Variants in FEM1C observed in about 807,000 individuals in gnomAD.
FEM1C encodes fem-1 homolog C.
In FEM1C, 15 loss-of-function variants were observed where a neutral mutation model predicts 37.6. The observed-to-expected ratio is 0.40, with a 90% CI of 0.27 to 0.61. The LOEUF is 0.61. FEM1C is among the 20% of genes least tolerant of loss of function. The pLI, the probability that FEM1C is intolerant of heterozygous loss-of-function variation, is 0.42. For missense variants in FEM1C, 532 were observed against 749.7 expected (o/e 0.71, Z 3.39); for synonymous variants, 287 against 272.8 (o/e 1.05, Z -0.51).
At chr5:115,527,145 C>T (rs185852030) in intron 2 of FEM1C, among the ~76,000 whole-genome samples, 33 of 152,226 alleles carry the variant, frequency 2.2e-4, no homozygotes, top group Admixed American at 2.1e-3. Flanking sequence ...AATTCAGCTG[C>T]ATGTCCTTAT....
rs189545884 is a variant in FEM1C, at chr5:115,521,900, A to G, written c.*2408T>C. The G allele has an allele frequency of 6.6e-6, 1 of 152,032 alleles. No individual in the cohort carries two copies. The highest frequency in any genetic ancestry group is 1.9e-4 in the East Asian group (1 of 5,184). 9.4% of individuals were successfully genotyped at this position (152,032 alleles called of 1,614,324 possible). A position where few individuals can be genotyped will look rare whatever the true frequency, so the allele number is the denominator to read the frequency against. ...GAGCTATTAAATTAACTGGTTTTTCAAAACCTCCCAATGGCATTTGTGGAG... is the reference window on the plus strand; with the variant it reads ...GAGCTATTAAATTAACTGGTTTTTCGAAACCTCCCAATGGCATTTGTGGAG... On this transcript the variant is annotated 3_prime_UTR_variant, in exon 3 of 3. Transcript: ENST00000274457.
intron 2 of FEM1C, among the ~76,000 whole-genome samples, chr5:115,532,764 G>T (rs1443341856): frequency 6.6e-6 from 1 of 152,008 alleles, no homozygotes; most frequent in South Asian, 2.1e-4. Context: ...TATGGTGAAA[G>T]TTCAAGCAAG....
At position 115,525,152 on chromosome 5, in the gene FEM1C, G is replaced by C; in HGVS notation, c.1010C>G (p.Thr337Ser). The change falls in exon 3 of 3, where the codon ACC becomes AGC. Residue 337 changes from threonine to serine, a missense_variant. Thr to Ser is a moderately conservative substitution (Grantham distance 58). Coordinates refer to ENST00000274457, the MANE Select transcript of FEM1C (RefSeq NM_020177.3). ...ERILGPSHPDTSYYIRYRGAV... is the reference protein window; with the variant it reads ...ERILGPSHPDSSYYIRYRGAV... ...GCCTCTATATCTAATATAGTAAGAG[G>C]TATCAGGATGAGAAGGACCAAGAAT... 6.2e-7 allele frequency: 1 copy of C among 1,613,676 alleles called. No individual in the cohort carries two copies. Among genetic ancestry groups the C allele is most frequent in the Non-Finnish European group, 8.5e-7 (1 of 1,179,836 alleles).
In FEM1C at chr5:115,521,501, T is replaced by G. The variant is rs1267399848; in HGVS notation, c.*2807A>C. The G allele has an allele frequency of 6.6e-6, 1 of 151,868 alleles. No homozygotes were observed. The highest frequency in any genetic ancestry group is 1.5e-5 in the Non-Finnish European group (1 of 67,822). 9.4% of individuals were successfully genotyped at this position (151,868 alleles called of 1,614,324 possible). On this transcript the variant is annotated 3_prime_UTR_variant, in exon 3 of 3. Coordinates refer to ENST00000274457, the MANE Select transcript of FEM1C (RefSeq NM_020177.3). ...AATAAGAAAAATGACTATTTTTAAG[T>G]CTATAATCCATTTGTCTTTATAAAG...
intron 1 of FEM1C, 41 bp from the exon 2 acceptor site, chr5:115,543,724 T>C (rs1754292305): frequency 7.5e-6 from 10 of 1,335,414 alleles, no homozygotes; most frequent in Non-Finnish European, 8.6e-6. Context: ...TAATTTTCTA[T>C]AGAAGAAGGC....
At chr5:115,540,163 C>T (rs959437382) in intron 2 of FEM1C, among the ~76,000 whole-genome samples, 1 of 151,940 alleles carries the variant, frequency 6.6e-6, no homozygotes, top group Non-Finnish European at 1.5e-5. Flanking sequence ...CTCCAGTGTC[C>T]CTGCCTTAGT....
rs1754287574 is a variant in FEM1C at position 115,543,555 on chromosome 5, T to C, written c.-62A>G. The C allele has an allele frequency of 6.5e-7, 1 of 1,526,826 alleles. No homozygotes were observed. The highest frequency in any genetic ancestry group is 1.4e-5 in the African/African-American group (1 of 72,256). 94.6% of individuals were successfully genotyped at this position (1,526,826 alleles called of 1,614,324 possible). A position where few individuals can be genotyped will look rare whatever the true frequency, so the allele number is the denominator to read the frequency against. ...TCAAAGCAGAGCTCCAGTTTAACTC[T>C]ATCGACACAGGCAAGAGTCACAGGA... On this transcript the variant is annotated 5_prime_UTR_variant, in exon 2 of 3. It adds an upstream start codon to the 5' untranslated region. Transcript: ENST00000274457.
At chr5:115,543,866 A>G in intron 1 of FEM1C, 183 bp from the exon 2 acceptor site, 1 of 983,432 alleles carries the variant, frequency 1.0e-6, no homozygotes, top group Non-Finnish European at 1.2e-6. Flanking sequence ...GGATACACAG[A>G]GACCCAAATG....
At position 115,525,479 on chromosome 5, in the gene FEM1C, T is replaced by G. The variant is rs758582155; in HGVS notation, c.683A>C (p.Asn228Thr). The G allele has an allele frequency of 1.2e-6, 2 of 1,613,628 alleles. No homozygotes were observed. The highest frequency in any genetic ancestry group is 1.7e-6 in the Non-Finnish European group (2 of 1,179,810). The change falls in exon 3 of 3, where the codon AAT (asparagine) becomes ACT (threonine). Residue 228 changes from asparagine (N) to threonine (T), a missense_variant. By Grantham distance (65) the Asn-to-Thr change is moderately conservative (BLOSUM62 0). Coordinates refer to ENST00000274457, the MANE Select transcript of FEM1C (RefSeq NM_020177.3). ...LLSASVTGHT[N>T]IVDFLTHHAQ... Reference sequence around the variant, plus strand: ...ATGGTGTGTCAGAAAATCCACAATATTTGTGTGACCAGTCACACTTGCTGA... The same window carrying G: ...ATGGTGTGTCAGAAAATCCACAATAGTTGTGTGACCAGTCACACTTGCTGA...
rs143873933 is a variant in FEM1C, at chr5:115,530,506, A to C, written c.545-4889T>G. Reference sequence around the variant, plus strand: ...AACCAGTAAGGATGAAGATTTGAACATTACAAACTTGATTTAACTGGCATA... The same window carrying C: ...AACCAGTAAGGATGAAGATTTGAACCTTACAAACTTGATTTAACTGGCATA... On this transcript the variant is annotated intron_variant, in intron 2 of 2. Coordinates refer to ENST00000274457, the MANE Select transcript of FEM1C (RefSeq NM_020177.3). Among the ~76,000 whole-genome samples, 1,491 of 152,244 alleles carry C rather than the reference A, an allele frequency of 9.8e-3. 23 individuals carry two copies. The highest frequency in any genetic ancestry group is 0.034 in the African/African-American group (1,401 of 41,562).
intron 2 of FEM1C, among the ~76,000 whole-genome samples, chr5:115,531,369 G>A (rs1272236021): frequency 6.6e-6 from 1 of 152,102 alleles, no homozygotes; most frequent in Non-Finnish European, 1.5e-5. Context: ...CTATCTGTGT[G>A]GAGAGAGCAA....
chr5:115,537,466 C>T (rs1754152426), intron 2 of FEM1C, among the ~76,000 whole-genome samples: 1 of 152,008 alleles, frequency 6.6e-6, no homozygotes, highest in Non-Finnish European at 1.5e-5. Flanking sequence ...AAAATCCAAT[C>T]TCCAGGGACA....
At chr5:115,536,540 G>T (rs1416798982) in intron 2 of FEM1C, among the ~76,000 whole-genome samples, 1 of 151,864 alleles carries the variant, frequency 6.6e-6, no homozygotes, top group East Asian at 1.9e-4. Context: ...ACTAACAGGT[G>T]TAGGTTGATG....
At chr5:115,531,881 G>C (rs1260901436) in intron 2 of FEM1C, among the ~76,000 whole-genome samples, 1 of 151,996 alleles carries the variant, frequency 6.6e-6, no homozygotes. Context: ...CCGGAGACAT[G>C]GTCTGCATCT....
intron 2 of FEM1C, among the ~76,000 whole-genome samples, chr5:115,536,096 T>C (rs1754121991): frequency 6.6e-6 from 1 of 151,926 alleles, no homozygotes; most frequent in South Asian, 2.1e-4. Flanking sequence ...AGGGAGTGAC[T>C]CTTAATGGAT....
In FEM1C at chr5:115,525,261, C is replaced by T; in HGVS notation, c.901G>A (p.Glu301Lys). 1 of 1,613,692 alleles carries T rather than the reference C, an allele frequency of 6.2e-7. No individual in the cohort carries two copies. Among genetic ancestry groups the T allele is most frequent in the Non-Finnish European group, 8.5e-7 (1 of 1,179,826 alleles). Residue 301 changes from glutamate to lysine, a missense_variant, in exon 3 of 3, where the codon GAA (glutamate) becomes AAA (lysine). Glu to Lys is a moderately conservative substitution (Grantham distance 56). This residue lies in a region of FEM1C where 221 missense variants were observed against 404.1 expected (regional missense o/e 0.55). Coordinates refer to ENST00000274457, the MANE Select transcript of FEM1C (RefSeq NM_020177.3). The part of the protein sequence containing the change: ...TLIMAYDYAK[E>K]VNSAEELEGL... The stretch of plus-strand genomic sequence containing the variant: ...TCTAGCTCTTCTGCACTGTTCACTT[C>T]CTTGGCATAATCATAAGCCATTATT...
rs769936124 is a variant in FEM1C at position 115,524,839 on chromosome 5, G to A, written c.1323C>T (p.Ala441=). ...AAATTAAGTGCAAAATAATAGAAAG[G>A]GCCTTATTTAACTGTAATGGGTCAG... The part of the protein sequence containing the change: ...CPADPLQLNK[A]LSIILHLICL... Residue 441 remains alanine, a synonymous_variant, in exon 3 of 3, where the codon GCC becomes GCT. Coordinates refer to ENST00000274457, the MANE Select transcript of FEM1C (RefSeq NM_020177.3). The A allele has an allele frequency of 9.3e-6, 15 of 1,611,298 alleles. No individual in the cohort carries two copies. The highest frequency in any genetic ancestry group is 1.2e-5 in the Non-Finnish European group (14 of 1,179,058).
intron 1 of FEM1C, 197 bp from the exon 2 acceptor site, chr5:115,543,880 T>C (rs923061470): frequency 6.1e-6 from 6 of 983,936 alleles, no homozygotes; most frequent in Non-Finnish European, 1.2e-6. Flanking sequence ...CCAAATGTTC[T>C]GGTCGCAGGC....
rs943397866 is a variant in FEM1C, at chr5:115,524,440, A to G, written c.1722T>C (p.Ala574=). 2.5e-6 allele frequency: 4 copies of G among 1,613,230 alleles called. No individual in the cohort carries two copies. The African/African-American group carries it at 4.0e-5, about 16-fold the overall frequency. Residue 574 remains alanine, a synonymous_variant, in exon 3 of 3, where the codon GCT becomes GCC. Transcript: ENST00000274457. The stretch of plus-strand genomic sequence containing the variant: ...GATTTATAGGCTGGATTAAATTTTT[A>G]GCTATTTCCTTCTCATCCAGCAAGT... The part of the protein sequence containing the change: ...ASDLLDEKEI[A]KNLIQPINHT...
Sources: gnomAD v4.1 joint callset for allele counts (sites outside exome capture counted in the v4.1 genomes callset) on GRCh38, gnomAD v4.1.1 for gene constraint, gnomAD v4.1.1 regional missense constraint, MANE v1.5 for transcripts, NCBI Gene and HGNC (gene_info 2026-07-23, HGNC 2026-07-21) for gene names.